The following EXOC8 variants were observed in gnomAD, a reference collection of about 807,000 sequenced individuals.
EXOC8 encodes exocyst complex 84 kDa subunit.
EXOC8 carries 19 observed loss-of-function variants against 50.8 expected under a neutral mutation model. The ratio of observed to expected loss-of-function variants is 0.37; its 90% CI spans 0.26 to 0.55. EXOC8 has a LOEUF of 0.55. Ranked by LOEUF, EXOC8 falls within the 20% of genes least tolerant of loss-of-function variation. The probability of loss-of-function intolerance (pLI) is 0.80; values close to 1 mark genes in which losing one functional copy is unlikely to be tolerated. For synonymous variants in EXOC8, 384 were observed against 367.9 expected (o/e 1.04, Z -0.50); for missense variants, 781 against 915.8 (o/e 0.85, Z 1.90).
rs1329328220 is a variant in EXOC8 at position 231,337,010 on chromosome 1, G to A, written c.736C>T (p.Pro246Ser). Reference protein sequence around the residue: ...LAVVNVKDNPPMKDMFKLLMF... With the variant: ...LAVVNVKDNPSMKDMFKLLMF... ...AGCAGCTTGAACATGTCCTTCATGG[G>A]CGGGTTGTCCTTGACATTGACTACG... Residue 246 changes from proline (P) to serine (S), a missense_variant, in exon 1 of 1, where the codon CCC (proline) becomes TCC (serine). Around this residue, in one of 3 missense-constraint regions of EXOC8, gnomAD observed 700 missense variants for 804.1 expected, o/e 0.87. Coordinates refer to ENST00000366645, the MANE Select transcript of EXOC8 (RefSeq NM_175876.5). The surrounding 1 kb of genome is among the most constrained non-coding windows in gnomAD (Gnocchi z 5.9). 1.2e-6 allele frequency: 2 copies of A among 1,614,142 alleles called. No homozygotes were observed. Among genetic ancestry groups the A allele is most frequent in the Non-Finnish European group, 1.7e-6 (2 of 1,180,034 alleles).
rs895971050 is a variant in EXOC8, at chr1:231,332,986, T to C, written c.*2582A>G. 2 of 152,204 alleles carry C rather than the reference T, an allele frequency of 1.3e-5. No homozygotes were observed. Among genetic ancestry groups the C allele is most frequent in the African/African-American group, 4.8e-5 (2 of 41,446 alleles). The allele number at this position is 152,204 out of a possible 1,614,324, so 9.4% of individuals were successfully genotyped here. On this transcript the variant is annotated 3_prime_UTR_variant, in exon 1 of 1. Transcript: ENST00000366645. ...TTAGCAATTATGTGAAATAAGGCTT[T>C]AACCAAAGCAAGACTTAATGCCACA...
Position 231,336,901 on chromosome 1 carries a change from C to G in EXOC8, c.845G>C (p.Arg282Thr), listed in dbSNP as rs754384583. 12 of 1,614,032 alleles carry G rather than the reference C, an allele frequency of 7.4e-6. No homozygotes were observed. The South Asian group carries it at 1.2e-4, about 16-fold the overall frequency. ...EWLEVLEDTK[R>T]ALSEKRRREQ... ...CCTTCGCCTTTTCTCACTGAGGGCC[C>G]TCTTGGTGTCCTCCAGCACTTCCAG... Residue 282 changes from arginine (R) to threonine (T), a missense_variant, in exon 1 of 1, where the codon AGG becomes ACG. Arg to Thr is a moderately conservative substitution (Grantham distance 71). Coordinates refer to ENST00000366645, the MANE Select transcript of EXOC8 (RefSeq NM_175876.5). The surrounding 1 kb of genome is among the most constrained non-coding windows in gnomAD (Gnocchi z 5.4).
In EXOC8 at chr1:231,333,511, TATC is replaced by T. The variant is rs1214648791; in HGVS notation, c.*2054_*2056del. On this transcript the variant is annotated 3_prime_UTR_variant, in exon 1 of 1. Coordinates refer to ENST00000366645, the MANE Select transcript of EXOC8 (RefSeq NM_175876.5). ...TTATGAGGAATTTTGATTTCAGAAG[TATC>T]ATTCCACAGACTCAGCATCATATAT... 6.5e-6 allele frequency: 1 copy of T among 152,802 alleles called. No homozygotes were observed. The highest frequency in any genetic ancestry group is 1.5e-5 in the Non-Finnish European group (1 of 68,030). The allele number at this position is 152,802 out of a possible 1,614,324, so 9.5% of individuals were successfully genotyped here. A position where few individuals can be genotyped will look rare whatever the true frequency, so the allele number is the denominator to read the frequency against.
Position 231,333,480 on chromosome 1 carries a change from C to T in EXOC8, c.*2088G>A, listed in dbSNP as rs866693342. On this transcript the variant is annotated 3_prime_UTR_variant, in exon 1 of 1. Coordinates refer to ENST00000366645, the MANE Select transcript of EXOC8 (RefSeq NM_175876.5). Reference sequence around the variant, plus strand: ...ATACACATTCAAGTTTTTACAACTTCATGCCTTATGAGGAATTTTGATTTC... The same window carrying T: ...ATACACATTCAAGTTTTTACAACTTTATGCCTTATGAGGAATTTTGATTTC... 11 of 152,758 alleles carry T rather than the reference C, an allele frequency of 7.2e-5. No individual in the cohort carries two copies. The highest frequency in any genetic ancestry group is 3.4e-3 in the Middle Eastern group (1 of 294). 9.5% of individuals were successfully genotyped at this position (152,758 alleles called of 1,614,324 possible). A position where few individuals can be genotyped will look rare whatever the true frequency, so the allele number is the denominator to read the frequency against.
chr1:231,334,172 CAAA>C lies in EXOC8; in HGVS notation c.*1393_*1395del, dbSNP rs1176576053. 6.6e-6 allele frequency: 1 copy of C among 152,158 alleles called. No homozygotes were observed. The highest frequency in any genetic ancestry group is 1.5e-5 in the Non-Finnish European group (1 of 68,012). 9.4% of individuals were successfully genotyped at this position (152,158 alleles called of 1,614,324 possible). ...AAGCAAGGAAAAATAAAAAATGAAA[CAAA>C]AATGCAGCATGGAACATTTTAGGAG... is the stretch of plus-strand genomic sequence containing the variant. On this transcript the variant is annotated 3_prime_UTR_variant, in exon 1 of 1. Transcript: ENST00000366645.
rs1686709672 is a variant in EXOC8 at position 231,337,484 on chromosome 1, T to C, written c.262A>G (p.Ser88Gly). 1 of 1,613,026 alleles carries C rather than the reference T, an allele frequency of 6.2e-7. No individual in the cohort carries two copies. Among genetic ancestry groups the C allele is most frequent in the Non-Finnish European group, 8.5e-7 (1 of 1,179,960 alleles). The change falls in exon 1 of 1, where the codon AGC becomes GGC. Residue 88 changes from serine to glycine, a missense_variant. Coordinates refer to ENST00000366645, the MANE Select transcript of EXOC8 (RefSeq NM_175876.5). The surrounding 1 kb of genome is among the most constrained non-coding windows in gnomAD (Gnocchi z 5.9). ...CTTTTCTGCTCGGTCAGCAAATGGC[T>C]GAGCTGGTACATCTCGCTCTCCAGG... ...SYLESEMYQL[S>G]HLLTEQKSSL...
rs139010768 is a variant in EXOC8, at chr1:231,336,268, G to A, written c.1478C>T (p.Ala493Val). Reference protein sequence around the residue: ...SGCYSAFVVWARSAMGMFVDA... With the variant: ...SGCYSAFVVWVRSAMGMFVDA... ...CACGAACATGCCCATGGCTGATCTT[G>A]CCCAGACCACAAAGGCAGAGTAGCA... The change falls in exon 1 of 1, where the codon GCA becomes GTA. Residue 493 changes from alanine (A) to valine (V), a missense_variant. Physicochemically the swap from Ala to Val is moderately conservative, Grantham distance 64 (BLOSUM62 0). Around this residue, in one of 3 missense-constraint regions of EXOC8, gnomAD observed 700 missense variants for 804.1 expected, o/e 0.87. Coordinates refer to ENST00000366645, the MANE Select transcript of EXOC8 (RefSeq NM_175876.5). The surrounding 1 kb of genome is among the most constrained non-coding windows in gnomAD (Gnocchi z 5.4). 4.5e-5 allele frequency: 73 copies of A among 1,613,922 alleles called. No individual in the cohort carries two copies. Among genetic ancestry groups the A allele is most frequent in the Non-Finnish European group, 5.6e-5 (66 of 1,180,040 alleles).
rs1470359544 is a variant in EXOC8 at position 231,336,197 on chromosome 1, TAG to T, written c.1547_1548del (p.Ser516TyrfsTer4). On this transcript the variant is annotated frameshift_variant, in exon 1 of 1. Transcript: ENST00000366645. LOFTEE classifies it high-confidence loss of function. The surrounding 1 kb of genome is among the most constrained non-coding windows in gnomAD (Gnocchi z 5.4). ...KQVFDSKESLSTAAECVKVAK... is the reference protein window; with the variant it reads ...KQVFDSKESLXTAAECVKVAK... ...GCCACTTTTACACACTCAGCTGCTGTAGAGAGGCTCTCCTTACTATCAAACAC... is the reference window on the plus strand; with the variant it reads ...GCCACTTTTACACACTCAGCTGCTGTAGAGGCTCTCCTTACTATCAAACAC... The T allele has an allele frequency of 6.2e-7, 1 of 1,614,154 alleles. No homozygotes were observed. The highest frequency in any genetic ancestry group is 8.5e-7 in the Non-Finnish European group (1 of 1,180,038).
chr1:231,336,882 C>T lies in EXOC8; in HGVS notation c.864G>A (p.Arg288=), dbSNP rs753161318. 1.2e-6 allele frequency: 2 copies of T among 1,614,204 alleles called. No individual in the cohort carries two copies. The highest frequency in any genetic ancestry group is 1.7e-6 in the Non-Finnish European group (2 of 1,180,048). Residue 288 remains arginine, a synonymous_variant, in exon 1 of 1, where the codon AGG becomes AGA. Coordinates refer to ENST00000366645, the MANE Select transcript of EXOC8 (RefSeq NM_175876.5). The surrounding 1 kb of genome is among the most constrained non-coding windows in gnomAD (Gnocchi z 5.4). ...EDTKRALSEK[R]RREQEEAAAP... ...CCGCTGCCTCCTCCTGCTCCCTTCG[C>T]CTTTTCTCACTGAGGGCCCTCTTGG... is the stretch of plus-strand genomic sequence containing the variant.
In EXOC8 at chr1:231,337,191, G is replaced by A; in HGVS notation, c.555C>T (p.Tyr185=). 6.2e-7 allele frequency: 1 copy of A among 1,614,092 alleles called. No homozygotes were observed. Among genetic ancestry groups the A allele is most frequent in the Non-Finnish European group, 8.5e-7 (1 of 1,180,036 alleles). ...LLETPGQYLV[Y]NGDLVEYDAD... ...CATCGTATTCCACTAGGTCCCCATTGTACACCAAGTACTGTCCCGGCGTCT... is the reference window on the plus strand; with the variant it reads ...CATCGTATTCCACTAGGTCCCCATTATACACCAAGTACTGTCCCGGCGTCT... The change falls in exon 1 of 1, where the codon TAC becomes TAT. Residue 185 remains tyrosine, a synonymous_variant. Coordinates refer to ENST00000366645, the MANE Select transcript of EXOC8 (RefSeq NM_175876.5). The surrounding 1 kb of genome is among the most constrained non-coding windows in gnomAD (Gnocchi z 5.9).
In EXOC8 at chr1:231,335,739, C is replaced by A. The variant is rs142146082; in HGVS notation, c.2007G>T (p.Glu669Asp). The part of the protein sequence containing the change: ...DYSLRCEQDP[E>D]KKAFIRQNAS... ...CATTCTGTCTGATAAAAGCTTTCTT[C>A]TCTGGATCCTGCTCACATCGAAGAC... The change falls in exon 1 of 1, where the codon GAG becomes GAT. Residue 669 changes from glutamate (E) to aspartate (D), a missense_variant. By Grantham distance (45) the Glu-to-Asp change is conservative. This residue lies in a region of EXOC8 where 79 missense variants were observed against 95.3 expected (regional missense o/e 0.83). Transcript: ENST00000366645. The A allele has an allele frequency of 4.3e-6, 7 of 1,614,078 alleles. No homozygotes were observed. In the African/African-American group the frequency reaches 8.0e-5, roughly 18 times the overall value.
Position 231,336,684 on chromosome 1 carries a change from T to C in EXOC8, c.1062A>G (p.Glu354=), listed in dbSNP as rs771670194. ...ATTTATCCAGCAGGTCAACCGCCCC[T>C]TCAAAGTCTCTCTGCGCAATGCAGA... is the stretch of plus-strand genomic sequence containing the variant. ...LDVCIAQRDF[E]GAVDLLDKLN... Residue 354 remains glutamate, a synonymous_variant, in exon 1 of 1, where the codon GAA becomes GAG. Coordinates refer to ENST00000366645, the MANE Select transcript of EXOC8 (RefSeq NM_175876.5). This position sits in a 1 kb window ranked among gnomAD's most constrained non-coding sequence, Gnocchi z 5.4. The C allele has an allele frequency of 1.2e-6, 2 of 1,614,212 alleles. No individual in the cohort carries two copies. The highest frequency in any genetic ancestry group is 8.5e-7 in the Non-Finnish European group (1 of 1,180,038).
chr1:231,337,100 T>A lies in EXOC8; in HGVS notation c.646A>T (p.Thr216Ser), dbSNP rs775645138. Residue 216 changes from threonine (T) to serine (S), a missense_variant, in exon 1 of 1, where the codon ACC becomes TCC. Coordinates refer to ENST00000366645, the MANE Select transcript of EXOC8 (RefSeq NM_175876.5). The surrounding 1 kb of genome is among the most constrained non-coding windows in gnomAD (Gnocchi z 5.9). ...FLMNDCLLVA[T>S]WLPQRRGMYR... ...ATCCCACGCCGCTGAGGCAGCCAGGTAGCCACCAACAAGCAATCGTTCATG... is the reference window on the plus strand; with the variant it reads ...ATCCCACGCCGCTGAGGCAGCCAGGAAGCCACCAACAAGCAATCGTTCATG... 2 of 1,613,942 alleles carry A rather than the reference T, an allele frequency of 1.2e-6. No homozygotes were observed. The highest frequency in any genetic ancestry group is 2.7e-5 in the African/African-American group (2 of 74,900).
At position 231,333,713 on chromosome 1, in the gene EXOC8, G is replaced by T. The variant is rs1350749983; in HGVS notation, c.*1855C>A. On this transcript the variant is annotated 3_prime_UTR_variant, in exon 1 of 1. Coordinates refer to ENST00000366645, the MANE Select transcript of EXOC8 (RefSeq NM_175876.5). The stretch of plus-strand genomic sequence containing the variant: ...ACTTTCGAAAATCCTAAAGTTATGT[G>T]AAAAAAATTAGTCAAAGAAAATCTG... 1 of 152,476 alleles carries T rather than the reference G, an allele frequency of 6.6e-6. No individual in the cohort carries two copies. Among genetic ancestry groups the T allele is most frequent in the East Asian group, 1.9e-4 (1 of 5,200 alleles). The allele number at this position is 152,476 out of a possible 1,614,324, so 9.4% of individuals were successfully genotyped here.
At position 231,336,252 on chromosome 1, in the gene EXOC8, GC is replaced by G; in HGVS notation, c.1493del (p.Gly498AlafsTer25). 1 of 1,614,032 alleles carries G rather than the reference GC, an allele frequency of 6.2e-7. No individual in the cohort carries two copies. Among genetic ancestry groups the G allele is most frequent in the South Asian group, 1.1e-5 (1 of 91,074 alleles). ...GCTTGCTAAAAGCATCCACGAACAT[GC>G]CCATGGCTGATCTTGCCCAGACCAC... Reference protein sequence around the residue: ...AFVVWARSAMGMFVDAFSKQV... With the variant: ...AFVVWARSAMXMFVDAFSKQV... On this transcript the variant is annotated frameshift_variant, in exon 1 of 1. Coordinates refer to ENST00000366645, the MANE Select transcript of EXOC8 (RefSeq NM_175876.5). LOFTEE classifies it high-confidence loss of function. This position sits in a 1 kb window ranked among gnomAD's most constrained non-coding sequence, Gnocchi z 5.4.
Position 231,337,455 on chromosome 1 carries a change from G to C in EXOC8, c.291C>G (p.Ser97Arg). The change falls in exon 1 of 1, where the codon AGC becomes AGG. Residue 97 changes from serine to arginine, a missense_variant. Ser to Arg is a moderately radical substitution (Grantham distance 110). This residue lies in a region of EXOC8 where 700 missense variants were observed against 804.1 expected (regional missense o/e 0.87). Transcript: ENST00000366645. This position sits in a 1 kb window ranked among gnomAD's most constrained non-coding sequence, Gnocchi z 5.9. The part of the protein sequence containing the change: ...LSHLLTEQKS[S>R]LESIPLTLLP... ...GCAACGTAAGCGGGATGCTCTCCAG[G>C]CTGCTTTTCTGCTCGGTCAGCAAAT... is the stretch of plus-strand genomic sequence containing the variant. 1 of 1,612,284 alleles carries C rather than the reference G, an allele frequency of 6.2e-7. No individual in the cohort carries two copies. The highest frequency in any genetic ancestry group is 8.5e-7 in the Non-Finnish European group (1 of 1,179,966).
Position 231,337,561 on chromosome 1 carries a change from T to G in EXOC8, c.185A>C (p.Asn62Thr). The change falls in exon 1 of 1, where the codon AAC becomes ACC. Residue 62 changes from asparagine (N) to threonine (T), a missense_variant. Coordinates refer to ENST00000366645, the MANE Select transcript of EXOC8 (RefSeq NM_175876.5). The surrounding 1 kb of genome is among the most constrained non-coding windows in gnomAD (Gnocchi z 5.9). Reference protein sequence around the residue: ...AEETAQNLKRNVYQNYRQFIE... With the variant: ...AEETAQNLKRTVYQNYRQFIE... ...GAACTGCCGGTAGTTCTGGTAGACG[T>G]TGCGCTTCAGGTTCTGCGCCGTCTC... The G allele has an allele frequency of 6.2e-7, 1 of 1,613,108 alleles. No individual in the cohort carries two copies. The highest frequency in any genetic ancestry group is 8.5e-7 in the Non-Finnish European group (1 of 1,179,936).
chr1:231,337,846 C>T lies in EXOC8; in HGVS notation c.-101G>A. ...CAACCGAGCTCCTGGGCTGAGGAAG[C>T]AGGAATGGGAACGAGACGAGTACGC... On this transcript the variant is annotated 5_prime_UTR_variant, in exon 1 of 1. Transcript: ENST00000366645. The surrounding 1 kb of genome is among the most constrained non-coding windows in gnomAD (Gnocchi z 5.9). 6.9e-7 allele frequency: 1 copy of T among 1,445,254 alleles called. No homozygotes were observed. Among genetic ancestry groups the T allele is most frequent in the South Asian group, 1.4e-5 (1 of 71,870 alleles). The allele number at this position is 1,445,254 out of a possible 1,614,324, so 89.5% of individuals were successfully genotyped here.
At position 231,335,521 on chromosome 1, in the gene EXOC8, T is replaced by C. The variant is rs1558356875; in HGVS notation, c.*47A>G. 4.2e-6 allele frequency: 6 copies of C among 1,415,056 alleles called. No homozygotes were observed. Among genetic ancestry groups the C allele is most frequent in the Admixed American group, 2.7e-5 (1 of 37,210 alleles). 87.7% of individuals were successfully genotyped at this position (1,415,056 alleles called of 1,614,324 possible). A position where few individuals can be genotyped will look rare whatever the true frequency, so the allele number is the denominator to read the frequency against. ...CAACTTAATATAAATATAAATAATA[T>C]ATAAGCTCTCTCTCTGCATATATAC... On this transcript the variant is annotated 3_prime_UTR_variant, in exon 1 of 1. Transcript: ENST00000366645.
Sources: allele counts gnomAD v4.1 joint callset, GRCh38; gene constraint gnomAD v4.1.1; regional missense constraint gnomAD v4.1.1; non-coding constraint Gnocchi (gnomAD v3.1); transcripts MANE v1.5; gene names NCBI Gene and HGNC (gene_info 2026-07-23, HGNC 2026-07-21).